PCYT1B: variants seen among roughly 807,000 people sequenced by gnomAD.
The protein encoded by PCYT1B is choline-phosphate cytidylyltransferase B.
Under a neutral mutation model 26.4 loss-of-function variants are expected in PCYT1B, and 10 were observed. That is an observed-to-expected ratio of 0.38 (90% CI 0.23 to 0.64). PCYT1B has a LOEUF of 0.64. Among genes scored for constraint, PCYT1B ranks in the 30% least tolerant of loss-of-function variants. The pLI, the probability that PCYT1B is intolerant of heterozygous loss-of-function variation, is 0.56. For synonymous variants in PCYT1B, 131 were observed against 108.4 expected (o/e 1.21, Z -1.29); for missense variants, 161 against 292.7 (o/e 0.55, Z 3.28).
At chrX:24,571,293 G>A (rs1248637617) in intron 7 of PCYT1B, among the ~76,000 whole-genome samples, 1 of 111,331 alleles carries the variant, frequency 9.0e-6, no homozygotes, top group Non-Finnish European at 1.9e-5. Context: ...GAGCCCGGGA[G>A]GCAGAGATTG....
chrX:24,600,205 C>A (rs1234460928), intron 3 of PCYT1B, among the ~76,000 whole-genome samples: 2 of 111,331 alleles, frequency 1.8e-5, no homozygotes, highest in African/African-American at 6.5e-5. Context: ...TTGCGCCTGG[C>A]CCATAATTTT....
chrX:24,589,282 A>C (rs1924475441), intron 4 of PCYT1B, among the ~76,000 whole-genome samples: 1 of 112,302 alleles, frequency 8.9e-6, no homozygotes. Context: ...GGCTTTAAAA[A>C]TAGAAAAGAA....
chrX:24,649,590 A>G (rs1463412839), upstream of PCYT1B, among the ~76,000 whole-genome samples: 1 of 111,849 alleles, frequency 8.9e-6, no homozygotes, highest in Non-Finnish European at 1.9e-5. Context: ...CTCTCTCCAG[A>G]ATGAGAGGTT....
chrX:24,654,749 C>CA (rs574317952), intron 1 of PCYT1B, among the ~76,000 whole-genome samples: 1,573 of 39,952 alleles, frequency 0.039, 138 homozygotes, highest in African/African-American at 0.11. Flanking sequence ...GACCCTGTCT[C>CA]AAAAAAAAAA....
intron 7 of PCYT1B, among the ~76,000 whole-genome samples, chrX:24,573,680 G>A (rs769856600): frequency 4.5e-5 from 5 of 111,381 alleles, no homozygotes; most frequent in East Asian, 5.6e-4. Flanking sequence ...TCATAGAGAC[G>A]AGAGAACAGG....
chrX:24,574,462 C>T (rs1224926478), intron 7 of PCYT1B, among the ~76,000 whole-genome samples: 1 of 111,142 alleles, frequency 9.0e-6, no homozygotes, highest in East Asian at 2.8e-4. Flanking sequence ...GCAAGGAGAC[C>T]CTCTACATTT....
chrX:24,591,721 C>G (rs1924573244), intron 3 of PCYT1B, among the ~76,000 whole-genome samples: 1 of 111,480 alleles, frequency 9.0e-6, no homozygotes, highest in African/African-American at 3.3e-5. Flanking sequence ...CTGTGCCCAG[C>G]CAACAAATTC....
chrX:24,647,277 CT>C lies in PCYT1B; in HGVS notation c.-173del. 3 of 889,207 alleles carry C rather than the reference CT, an allele frequency of 3.4e-6. No individual in the cohort carries two copies. Among genetic ancestry groups the C allele is most frequent in the African/African-American group, 2.2e-5 (1 of 45,690 alleles). 73.3% of individuals were successfully genotyped at this position (889,207 alleles called of 1,213,427 possible). ...AGTAAAGAGGTTACCCCCCGCCCCT[CT>C]CTCTCTCTCTCTCTCCCAGAAGCCA... On this transcript the variant is annotated 5_prime_UTR_variant, in exon 1 of 8. Coordinates refer to ENST00000379144, the MANE Select transcript of PCYT1B (RefSeq NM_004845.5).
chrX:24,651,464 AAAAAAAAAATATATATATAT>A (rs1241624432), upstream of PCYT1B, among the ~76,000 whole-genome samples: 1 of 28,284 alleles, frequency 3.5e-5, no homozygotes, highest in African/African-American at 1.2e-4. Flanking sequence ...CAAAAAAAAA[AAAAAAAAAATATATATATAT>A]ATATATATAT....
chrX:24,583,729 C>A (rs968272067), intron 5 of PCYT1B, among the ~76,000 whole-genome samples: 1 of 111,901 alleles, frequency 8.9e-6, no homozygotes, highest in Non-Finnish European at 1.9e-5. Flanking sequence ...AGCCAAGGAA[C>A]TACTGCCCCC....
intron 1 of PCYT1B, among the ~76,000 whole-genome samples, chrX:24,652,902 G>A (rs899174581): frequency 1.8e-5 from 2 of 111,381 alleles, no homozygotes; most frequent in African/African-American, 6.5e-5. Context: ...TGGCCAACAT[G>A]ATGAAACCCA....
intron 3 of PCYT1B, among the ~76,000 whole-genome samples, chrX:24,605,451 T>C (rs1191260738): frequency 8.9e-6 from 1 of 111,865 alleles, no homozygotes; most frequent in East Asian, 2.8e-4. Flanking sequence ...GTCACTCTTT[T>C]CTCTTTTCCT....
chrX:24,652,369 G>A (rs1011015981), intron 1 of PCYT1B, among the ~76,000 whole-genome samples: 9 of 111,054 alleles, frequency 8.1e-5, no homozygotes, highest in Admixed American at 2.9e-4. Flanking sequence ...GACCAGCCTA[G>A]CCAACATAGC....
At chrX:24,627,688 C>A (rs1468078324) in intron 1 of PCYT1B, among the ~76,000 whole-genome samples, 4 of 111,686 alleles carry the variant, frequency 3.6e-5, no homozygotes, top group African/African-American at 1.3e-4. Flanking sequence ...TGTAAGAGGT[C>A]AAAGGTAGAA....
chrX:24,640,400 C>T (rs1239858114), intron 1 of PCYT1B, among the ~76,000 whole-genome samples: 8 of 112,481 alleles, frequency 7.1e-5, no homozygotes, highest in African/African-American at 9.7e-5. Context: ...GTCTTCTTTT[C>T]ATGATCCTTC....
chrX:24,606,624 G>A (rs2148245807), intron 3 of PCYT1B, among the ~76,000 whole-genome samples: 1 of 112,437 alleles, frequency 8.9e-6, no homozygotes, highest in Non-Finnish European at 1.9e-5. Context: ...AGCACTTTGG[G>A]AGGCTGAGGT....
Position 24,596,419 on chromosome X carries a change from C to T in PCYT1B, c.335-6245G>A, listed in dbSNP as rs752324930. Among the ~76,000 whole-genome samples, 26 of 110,338 alleles carry T rather than the reference C, an allele frequency of 2.4e-4. No homozygotes were observed. In the Admixed American group the frequency reaches 2.4e-3, roughly 10 times the overall value. On this transcript the variant is annotated intron_variant, in intron 3 of 7. Transcript: ENST00000379144. Reference sequence around the variant, plus strand: ...CCATCCTGGCCAACATGGTGAAACCCTGTCTCTACTTAAAATAGAAAAGTT... The same window carrying T: ...CCATCCTGGCCAACATGGTGAAACCTTGTCTCTACTTAAAATAGAAAAGTT...
At chrX:24,631,969 G>A (rs752798941) in intron 1 of PCYT1B, among the ~76,000 whole-genome samples, 5 of 110,847 alleles carry the variant, frequency 4.5e-5, no homozygotes, top group African/African-American at 1.6e-4. Context: ...TGAATGTGTT[G>A]TGTGTGTGAG....
intron 7 of PCYT1B, among the ~76,000 whole-genome samples, chrX:24,574,294 G>A (rs985162336): frequency 2.7e-5 from 3 of 111,071 alleles, no homozygotes; most frequent in Admixed American, 9.6e-5. Flanking sequence ...TAAACTTTTC[G>A]AATCTCTTTT....
Sources: allele counts gnomAD v4.1 joint callset (sites outside exome capture counted in the v4.1 genomes callset), GRCh38; gene constraint gnomAD v4.1.1; transcripts MANE v1.5; gene names NCBI Gene and HGNC (gene_info 2026-07-23, HGNC 2026-07-21).